Variants in SYT9 observed in about 807,000 individuals in gnomAD.
SYT9 encodes synaptotagmin 9.
In SYT9, 22 loss-of-function variants were observed where a neutral mutation model predicts 48.4. The ratio of observed to expected loss-of-function variants is 0.45; its 90% CI spans 0.32 to 0.65. The LOEUF (loss-of-function observed/expected upper bound fraction) is 0.65. Among genes scored for constraint, SYT9 ranks in the 30% least tolerant of loss-of-function variants. The pLI is 0.03. For synonymous variants in SYT9, 265 were observed against 245.0 expected (o/e 1.08, Z -0.76); for missense variants, 577 against 622.0 (o/e 0.93, Z 0.77).
intron 1 of SYT9, among the ~76,000 whole-genome samples, chr11:7,298,587 C>T (rs1274194527): frequency 1.3e-5 from 2 of 152,006 alleles, no homozygotes; most frequent in Admixed American, 1.3e-4. Flanking sequence ...TTTTTCTCAT[C>T]CATGTGAGTA....
chr11:7,373,421 A>G (rs1850398358), intron 3 of SYT9, among the ~76,000 whole-genome samples: 1 of 151,732 alleles, frequency 6.6e-6, no homozygotes, highest in Non-Finnish European at 1.5e-5. Flanking sequence ...TCCTCTTCCT[A>G]TATTGTTATA....
intron 3 of SYT9, 66 bp downstream of exon 3, chr11:7,314,007 T>C: frequency 6.5e-7 from 1 of 1,529,328 alleles, no homozygotes; most frequent in Non-Finnish European, 8.8e-7. Flanking sequence ...ACAGATTACT[T>C]ACACATTATC....
chr11:7,329,969 C>T (rs1009904629), intron 3 of SYT9, among the ~76,000 whole-genome samples: 3 of 151,978 alleles, frequency 2.0e-5, no homozygotes, highest in Admixed American at 6.6e-5. Context: ...CAGGGGATAG[C>T]GATATTTTTC....
chr11:7,385,507 G>A (rs1055990085), intron 3 of SYT9, among the ~76,000 whole-genome samples: 1 of 152,096 alleles, frequency 6.6e-6, no homozygotes, highest in African/African-American at 2.4e-5. Flanking sequence ...GGTGTAGGAA[G>A]GCAAATGAAA....
intron 6 of SYT9, among the ~76,000 whole-genome samples, chr11:7,462,156 T>C (rs947471875): frequency 6.6e-6 from 1 of 152,258 alleles, no homozygotes; most frequent in Admixed American, 6.5e-5. Context: ...AGAGCATACA[T>C]TTTAATCCAT....
chr11:7,383,077 A>G (rs1850596106), intron 3 of SYT9, among the ~76,000 whole-genome samples: 1 of 152,210 alleles, frequency 6.6e-6, no homozygotes, highest in Admixed American at 6.5e-5. Context: ...GTCTGGGGAA[A>G]ATATCAGGAA....
chr11:7,377,192 C>T (rs1850469982), intron 3 of SYT9, among the ~76,000 whole-genome samples: 2 of 151,466 alleles, frequency 1.3e-5, no homozygotes, highest in South Asian at 4.2e-4. Flanking sequence ...TATGGACCCA[C>T]TCTATGCCAG....
At chr11:7,400,765 G>C (rs1412188830) in intron 3 of SYT9, among the ~76,000 whole-genome samples, 2 of 152,090 alleles carry the variant, frequency 1.3e-5, no homozygotes, top group African/African-American at 4.8e-5. Flanking sequence ...CTCATCCCGA[G>C]AGAAGCCACC....
intron 6 of SYT9, among the ~76,000 whole-genome samples, chr11:7,443,293 A>G (rs1395732317): frequency 6.6e-6 from 1 of 152,238 alleles, no homozygotes; most frequent in Non-Finnish European, 1.5e-5. Context: ...CAGAATTTAC[A>G]ATCTGGCTGA....
intron 3 of SYT9, among the ~76,000 whole-genome samples, chr11:7,346,146 A>G (rs945549702): frequency 6.6e-6 from 1 of 152,226 alleles, no homozygotes. Flanking sequence ...AACAGAGTAG[A>G]CTGGAAAGCA....
At chr11:7,279,290 G>C (rs1037907046) in intron 1 of SYT9, among the ~76,000 whole-genome samples, 1 of 152,188 alleles carries the variant, frequency 6.6e-6, no homozygotes, top group Admixed American at 6.5e-5. Context: ...TTCTCTTATT[G>C]ATAGAGTCTG....
intron 3 of SYT9, among the ~76,000 whole-genome samples, chr11:7,335,043 A>G (rs1330163979): frequency 6.6e-6 from 1 of 152,162 alleles, no homozygotes; most frequent in Non-Finnish European, 1.5e-5. Context: ...TTTTGATGAA[A>G]TTGCTAAACT....
chr11:7,416,702 C>G (rs1474126394), intron 4 of SYT9, among the ~76,000 whole-genome samples: 1 of 152,120 alleles, frequency 6.6e-6, no homozygotes, highest in Non-Finnish European at 1.5e-5. Flanking sequence ...AAATACGATG[C>G]CATTTTATAT....
chr11:7,301,949 A>T (rs887809156), intron 1 of SYT9, among the ~76,000 whole-genome samples: 3 of 152,214 alleles, frequency 2.0e-5, no homozygotes, highest in African/African-American at 7.2e-5. Context: ...GTCACTGGAT[A>T]CTGAACTGCC....
intron 3 of SYT9, among the ~76,000 whole-genome samples, chr11:7,379,443 C>T (rs1850517450): frequency 6.6e-6 from 1 of 152,114 alleles, no homozygotes; most frequent in East Asian, 1.9e-4. Context: ...TTTCTGGTCT[C>T]TCAGTCTCCG....
chr11:7,461,708 G>A (rs191092769), intron 6 of SYT9, among the ~76,000 whole-genome samples: 5 of 152,274 alleles, frequency 3.3e-5, no homozygotes, highest in African/African-American at 4.8e-5. Flanking sequence ...ACAAATGCCC[G>A]GTGCTCAATA....
At chr11:7,268,918 C>A (rs1848243024) in intron 1 of SYT9, among the ~76,000 whole-genome samples, 1 of 152,054 alleles carries the variant, frequency 6.6e-6, no homozygotes, top group Non-Finnish European at 1.5e-5. Flanking sequence ...TACTAATCTA[C>A]TTTCTGTCTC....
intron 1 of SYT9, among the ~76,000 whole-genome samples, chr11:7,291,113 C>A (rs1322536670): frequency 6.6e-6 from 1 of 152,208 alleles, no homozygotes; most frequent in East Asian, 1.9e-4. Flanking sequence ...TAACTTCACT[C>A]ATCTGCCACC....
At chr11:7,387,877 T>G (rs1486012948) in intron 3 of SYT9, among the ~76,000 whole-genome samples, 2 of 152,304 alleles carry the variant, frequency 1.3e-5, no homozygotes, top group East Asian at 3.9e-4. Context: ...ATGTTTGTAA[T>G]TCATTGTATT....
Sources: gnomAD v4.1 joint callset for allele counts (sites outside exome capture counted in the v4.1 genomes callset) on GRCh38, gnomAD v4.1.1 for gene constraint, MANE v1.5 for transcripts, NCBI Gene and HGNC (gene_info 2026-07-23, HGNC 2026-07-21) for gene names.